Variants in CSMD1 observed in about 807,000 individuals in gnomAD.
The protein encoded by CSMD1 is CUB and sushi domain-containing protein 1.
CSMD1 carries 213 observed loss-of-function variants against 417.5 expected under a neutral mutation model. That is an observed-to-expected ratio of 0.51 (90% confidence interval 0.46 to 0.57). CSMD1 has a LOEUF of 0.57. CSMD1 is among the 20% of genes least tolerant of loss of function. The probability of loss-of-function intolerance (pLI) is 0.00; values close to 1 mark genes in which losing one functional copy is unlikely to be tolerated. For synonymous variants in CSMD1, 2,862 were observed against 1,736.8 expected, an observed-to-expected ratio of 1.65 and a Z score of -16.11; for missense variants, 6,923 against 4,529.7, an observed-to-expected ratio of 1.53 and a Z score of -15.17.
At chr8:3,878,722 C>T (rs961774367) in intron 5 of CSMD1, among the ~76,000 whole-genome samples, 1 of 152,150 alleles carries the variant, frequency 6.6e-6, no homozygotes, top group South Asian at 2.1e-4. Flanking sequence ...GACACTGTGT[C>T]ATGGGAAATA....
chr8:4,662,753 C>G (rs952801524), intron 1 of CSMD1, among the ~76,000 whole-genome samples: 5 of 152,176 alleles, frequency 3.3e-5, no homozygotes, highest in African/African-American at 4.8e-5. Flanking sequence ...CTCCACCGTT[C>G]CTATGGATGA....
intron 26 of CSMD1, chr8:3,278,705 T>A (rs1016657800): frequency 6.6e-6 from 1 of 152,114 alleles, no homozygotes; most frequent in Non-Finnish European, 1.5e-5. Context: ...GAGATTTCCA[T>A]CTTCCCACCC....
chr8:4,453,654 C>A (rs951541849), intron 2 of CSMD1, among the ~76,000 whole-genome samples: 2 of 151,952 alleles, frequency 1.3e-5, no homozygotes, highest in Non-Finnish European at 2.9e-5. Context: ...ATCTCTAGCC[C>A]CCGACACCTG....
intron 27 of CSMD1, 101 bp from the exon 28 acceptor site, chr8:3,223,968 A>G: frequency 2.5e-6 from 3 of 1,190,758 alleles, no homozygotes; most frequent in Non-Finnish European, 3.5e-6. Context: ...AGAAAAAGAC[A>G]TCAGCATTTT....
intron 5 of CSMD1, among the ~76,000 whole-genome samples, chr8:3,828,160 T>A (rs1265266840): frequency 6.6e-6 from 1 of 152,236 alleles, no homozygotes; most frequent in African/African-American, 2.4e-5. Context: ...CACTTAACAT[T>A]TACAAAGGCA....
intron 3 of CSMD1, among the ~76,000 whole-genome samples, chr8:4,383,889 A>G (rs534310575): frequency 6.6e-6 from 1 of 152,356 alleles, no homozygotes; most frequent in African/African-American, 2.4e-5. Context: ...CTTAAAATAT[A>G]TTTTAGATAC....
At chr8:3,393,673 G>A (rs954195147) in intron 17 of CSMD1, among the ~76,000 whole-genome samples, 2 of 151,890 alleles carry the variant, frequency 1.3e-5, no homozygotes, top group African/African-American at 2.4e-5. Context: ...AAATTGATGA[G>A]TTCATGTCTT....
intron 2 of CSMD1, among the ~76,000 whole-genome samples, chr8:4,499,408 T>C (rs928884862): frequency 6.6e-5 from 10 of 152,154 alleles, no homozygotes; most frequent in Admixed American, 4.6e-4. Context: ...TCTTATTACT[T>C]TATTGAGGCA....
chr8:4,941,711 G>A (rs761956083), intron 1 of CSMD1, among the ~76,000 whole-genome samples: 8 of 151,718 alleles, frequency 5.3e-5, no homozygotes, highest in African/African-American at 1.5e-4. Context: ...CAATTCTCTC[G>A]CCTCAACCTC....
intron 6 of CSMD1, among the ~76,000 whole-genome samples, chr8:3,737,281 A>G (rs1456319205): frequency 6.6e-6 from 1 of 152,164 alleles, no homozygotes; most frequent in Admixed American, 6.5e-5. Context: ...TATCTTGCTA[A>G]AGTAAATTGA....
chr8:3,730,665 A>G (rs537490246), intron 6 of CSMD1, among the ~76,000 whole-genome samples: 1 of 152,152 alleles, frequency 6.6e-6, no homozygotes, highest in Non-Finnish European at 1.5e-5. Context: ...ATTGACCTTC[A>G]CCAGCATTTA....
chr8:4,285,998 G>C (rs537068546), intron 3 of CSMD1, among the ~76,000 whole-genome samples: 4 of 152,166 alleles, frequency 2.6e-5, no homozygotes, highest in Admixed American at 2.6e-4. Flanking sequence ...ACCTCTGACA[G>C]CAAGCAGGTT....
At chr8:3,895,272 C>T (rs564661245) in intron 5 of CSMD1, among the ~76,000 whole-genome samples, 4 of 152,090 alleles carry the variant, frequency 2.6e-5, no homozygotes, top group East Asian at 1.9e-4. Flanking sequence ...TGGTCTACTG[C>T]TTTCTATTTA....
chr8:4,934,237 C>T (rs1168363710), intron 1 of CSMD1, among the ~76,000 whole-genome samples: 1 of 152,096 alleles, frequency 6.6e-6, no homozygotes, highest in African/African-American at 2.4e-5. Context: ...CAGACATCCC[C>T]CAAGGCAGAA....
chr8:4,804,324 C>T (rs1012393593), intron 1 of CSMD1, among the ~76,000 whole-genome samples: 1 of 152,198 alleles, frequency 6.6e-6, no homozygotes, highest in East Asian at 1.9e-4. Flanking sequence ...AAAACTCATG[C>T]TATGGAATGT....
Position 3,257,395 on chromosome 8 carries a change from A to G in CSMD1, c.4153+26749T>C, listed in dbSNP as rs76469365. ...CTCACTTGGGACACATCAATCAACA[A>G]ATTAGGATCTCTTTCCTTGTGGAGG... On this transcript the variant is annotated intron_variant, in intron 26 of 69. Transcript: ENST00000635120. 1.9e-3 allele frequency among the ~76,000 whole-genome samples: 286 copies of G among 152,332 alleles called. 2 individuals carry two copies. Among genetic ancestry groups the G allele is most frequent in the African/African-American group, 6.7e-3 (279 of 41,572 alleles).
intron 26 of CSMD1, among the ~76,000 whole-genome samples, chr8:3,276,607 G>C (rs1212228235): frequency 6.6e-6 from 1 of 152,092 alleles, no homozygotes; most frequent in Non-Finnish European, 1.5e-5. Flanking sequence ...AATTGTGGGA[G>C]CTACAATTCA....
intron 10 of CSMD1, among the ~76,000 whole-genome samples, chr8:3,495,159 G>A (rs1369308804): frequency 6.6e-6 from 1 of 152,162 alleles, no homozygotes; most frequent in Non-Finnish European, 1.5e-5. Context: ...TTGCAAACCA[G>A]TATAAATACT....
chr8:4,140,959 C>G (rs543093318), intron 3 of CSMD1, among the ~76,000 whole-genome samples: 2 of 151,232 alleles, frequency 1.3e-5, no homozygotes, highest in East Asian at 3.9e-4. Context: ...GTCCTCGTAT[C>G]TCAATAAATG....
Sources: allele counts gnomAD v4.1 joint callset (sites outside exome capture counted in the v4.1 genomes callset), GRCh38; gene constraint gnomAD v4.1.1; transcripts MANE v1.5; gene names NCBI Gene and HGNC (gene_info 2026-07-23, HGNC 2026-07-21).